KDM4C: variants seen among roughly 807,000 people sequenced by gnomAD.
KDM4C encodes the protein lysine demethylase 4C.
In KDM4C, 81 loss-of-function variants were observed where a neutral mutation model predicts 129.3. The observed-to-expected ratio is 0.63, with a 90% CI of 0.52 to 0.75. The LOEUF is 0.75. Among genes scored for constraint, KDM4C ranks in the 30% least tolerant of loss-of-function variants. The pLI, the probability that KDM4C is intolerant of heterozygous loss-of-function variation, is 0.00. For synonymous variants in KDM4C, 573 were observed against 456.1 expected (o/e 1.26, Z -3.26); for missense variants, 1,457 against 1,304.0 (o/e 1.12, Z -1.81).
At chr9:6,865,048 G>A (rs1316558728) in intron 5 of KDM4C, among the ~76,000 whole-genome samples, 1 of 113,890 alleles carries the variant, frequency 8.8e-6, no homozygotes, top group African/African-American at 3.4e-5. Context: ...TTGCTCTATT[G>A]CCCAAGCTGG....
intron 8 of KDM4C, among the ~76,000 whole-genome samples, chr9:6,977,464 A>C (rs984099365): frequency 6.6e-6 from 1 of 152,142 alleles, no homozygotes; most frequent in African/African-American, 2.4e-5. Flanking sequence ...ATGTCTCCCA[A>C]AACCACATAC....
At chr9:7,047,027 T>C in intron 16 of KDM4C, 110 bp downstream of exon 16, 1 of 757,818 alleles carries the variant, frequency 1.3e-6, no homozygotes, top group Non-Finnish European at 2.3e-6. Flanking sequence ...TTCAAAGCTT[T>C]TGCTGCTCAG....
At chr9:6,923,734 T>C (rs1277807980) in intron 8 of KDM4C, among the ~76,000 whole-genome samples, 1 of 152,314 alleles carries the variant, frequency 6.6e-6, no homozygotes, top group East Asian at 1.9e-4. Flanking sequence ...CTTTATCTTG[T>C]TTTGTATGTA....
chr9:7,117,139 G>C (rs938211033), intron 18 of KDM4C, among the ~76,000 whole-genome samples: 5 of 152,140 alleles, frequency 3.3e-5, no homozygotes, highest in African/African-American at 1.2e-4. Flanking sequence ...GTCAGAATCA[G>C]AGCACATGGC....
intron 3 of KDM4C, among the ~76,000 whole-genome samples, chr9:6,811,069 A>G (rs185348976): frequency 3.0e-4 from 46 of 152,322 alleles, no homozygotes; most frequent in African/African-American, 1.1e-3. Flanking sequence ...TTACTTGTCA[A>G]CACAGAGCTG....
chr9:7,024,554 A>C (rs533915713), intron 15 of KDM4C, among the ~76,000 whole-genome samples: 1 of 151,196 alleles, frequency 6.6e-6, no homozygotes, highest in African/African-American at 2.4e-5. Flanking sequence ...TCATTGTTCA[A>C]TTCCCACCTG....
At chr9:7,028,163 C>A (rs1826108359) in intron 15 of KDM4C, among the ~76,000 whole-genome samples, 1 of 152,070 alleles carries the variant, frequency 6.6e-6, no homozygotes, top group Admixed American at 6.5e-5. Context: ...AAGAATCTCT[C>A]CTTGTGGCCA....
At chr9:7,163,636 A>T (rs540275891) in intron 19 of KDM4C, among the ~76,000 whole-genome samples, 1 of 152,092 alleles carries the variant, frequency 6.6e-6, no homozygotes, top group African/African-American at 2.4e-5. Flanking sequence ...AGACTGACGC[A>T]TGTAATCAGT....
chr9:6,781,943 G>C (rs557971389), intron 1 of KDM4C, among the ~76,000 whole-genome samples: 3 of 151,902 alleles, frequency 2.0e-5, no homozygotes, highest in Non-Finnish European at 2.9e-5. Flanking sequence ...TCCTGCCTCA[G>C]CCTCCTCAGT....
intron 12 of KDM4C, among the ~76,000 whole-genome samples, chr9:6,997,073 C>T (rs962859779): frequency 2.6e-5 from 4 of 152,174 alleles, no homozygotes; most frequent in South Asian, 2.1e-4. Flanking sequence ...TGTGATGCCT[C>T]GGTGCCTGCG....
intron 15 of KDM4C, among the ~76,000 whole-genome samples, chr9:7,027,766 G>T (rs1826040143): frequency 6.6e-6 from 1 of 152,202 alleles, no homozygotes; most frequent in African/African-American, 2.4e-5. Flanking sequence ...TCTTTCTGGT[G>T]TTCTGCTGTC....
chr9:6,942,274 G>C (rs1242120128), intron 8 of KDM4C, among the ~76,000 whole-genome samples: 1 of 113,680 alleles, frequency 8.8e-6, no homozygotes, highest in Non-Finnish European at 1.8e-5. Flanking sequence ...TCATGTTCTA[G>C]CCCTCAAAGT....
chr9:7,092,193 A>G (rs1564106336), intron 17 of KDM4C, among the ~76,000 whole-genome samples: 3 of 152,140 alleles, frequency 2.0e-5, no homozygotes, highest in African/African-American at 4.8e-5. Context: ...TTGTTTATAG[A>G]GCACTTCTGT....
intron 1 of KDM4C, among the ~76,000 whole-genome samples, chr9:6,734,388 G>A (rs578072460): frequency 1.4e-5 from 2 of 147,162 alleles, no homozygotes; most frequent in South Asian, 4.6e-4. Context: ...TCTGCCTCCC[G>A]GGTTCAAGTG....
chr9:6,894,597 C>T (rs1277503641), intron 8 of KDM4C, among the ~76,000 whole-genome samples: 2 of 152,208 alleles, frequency 1.3e-5, no homozygotes, highest in Admixed American at 6.5e-5. Flanking sequence ...TTGTTTAATA[C>T]AGGTCTCAGA....
chr9:7,169,735 A>G (rs1844765659), intron 20 of KDM4C, 63 bp from the exon 21 acceptor site: 14 of 1,280,650 alleles, frequency 1.1e-5, no homozygotes, highest in Non-Finnish European at 1.2e-5. Context: ...AGTTAATTGG[A>G]GCCTTTAAAA....
At chr9:7,170,201 T>C in intron 21 of KDM4C, 1 of 1,227,334 alleles carries the variant, frequency 8.1e-7, no homozygotes, top group Non-Finnish European at 1.0e-6. Flanking sequence ...CAAACAAAGA[T>C]ACCATCAAGG....
At chr9:7,010,902 G>C (rs1273736204) in intron 12 of KDM4C, among the ~76,000 whole-genome samples, 8 of 152,082 alleles carry the variant, frequency 5.3e-5, no homozygotes, top group Non-Finnish European at 1.2e-4. Context: ...AAATTCGCTA[G>C]GCATGGTGGT....
intron 8 of KDM4C, among the ~76,000 whole-genome samples, chr9:6,933,981 C>T (rs1824238769): frequency 6.6e-6 from 1 of 152,024 alleles, no homozygotes; most frequent in Non-Finnish European, 1.5e-5. Flanking sequence ...TCCTGTGTAG[C>T]TGGAATTATA....
Sources: allele counts gnomAD v4.1 joint callset (sites outside exome capture counted in the v4.1 genomes callset), GRCh38; gene constraint gnomAD v4.1.1; transcripts MANE v1.5; gene names NCBI Gene and HGNC (gene_info 2026-07-23, HGNC 2026-07-21).